DHX15: variants seen among roughly 807,000 people sequenced by gnomAD.
DHX15 encodes ATP-dependent RNA helicase DHX15.
Under a neutral mutation model 94.4 loss-of-function variants are expected in DHX15, and 11 were observed. That is an observed-to-expected ratio of 0.12 (90% CI 0.07 to 0.19). The LOEUF is 0.19. Among genes scored for constraint, DHX15 ranks in the 10% least tolerant of loss-of-function variants. The probability of loss-of-function intolerance (pLI) is 1.00; values close to 1 mark genes in which losing one functional copy is unlikely to be tolerated. For missense variants in DHX15, 304 were observed against 988.5 expected, an observed-to-expected ratio of 0.31 and a Z score of 9.29; for synonymous variants, 338 against 329.9, an observed-to-expected ratio of 1.02 and a Z score of -0.27.
At chr4:24,574,205 C>CAAAAAAAAATAAAAAAAAAA (rs1722189501) in intron 2 of DHX15, among the ~76,000 whole-genome samples, 1 of 68,876 alleles carries the variant, frequency 1.5e-5, no homozygotes, top group Non-Finnish European at 2.8e-5. Flanking sequence ...GACTTTGTCT[C>CAAAAAAAAATAAAAAAAAAA]AAAAAAAAAA....
chr4:24,571,959 T>C (rs1480196349), intron 2 of DHX15, among the ~76,000 whole-genome samples: 2 of 152,182 alleles, frequency 1.3e-5, no homozygotes, highest in Non-Finnish European at 2.9e-5. Flanking sequence ...CAGACCTAGG[T>C]TTAAGTGGTT....
chr4:24,529,818 T>C, intron 12 of DHX15, 48 bp from the exon 13 acceptor site: 1 of 1,587,686 alleles, frequency 6.3e-7, no homozygotes, highest in East Asian at 2.2e-5. Flanking sequence ...TCTGACTTGC[T>C]AGTTGTAAAG....
intron 6 of DHX15, among the ~76,000 whole-genome samples, chr4:24,548,430 G>A (rs754644876): frequency 2.0e-5 from 3 of 151,786 alleles, no homozygotes; most frequent in South Asian, 2.1e-4. Flanking sequence ...GGCCTGAGCC[G>A]CCACGCCCGG....
intron 2 of DHX15, 106 bp from the exon 3 acceptor site, chr4:24,570,953 T>A: frequency 8.8e-7 from 1 of 1,139,586 alleles, no homozygotes. Context: ...CCAAATCCAA[T>A]TAGGCAAATG....
At chr4:24,572,129 T>C (rs1722134785) in intron 2 of DHX15, among the ~76,000 whole-genome samples, 1 of 152,164 alleles carries the variant, frequency 6.6e-6, no homozygotes, top group South Asian at 2.1e-4. Context: ...GCAAGAATGT[T>C]CAGATCTTTT....
chr4:24,583,227 C>T (rs186176541), intron 1 of DHX15, among the ~76,000 whole-genome samples: 1 of 152,264 alleles, frequency 6.6e-6, no homozygotes, highest in African/African-American at 2.4e-5. Flanking sequence ...CTTTGTACTT[C>T]ATCAATGAAA....
At chr4:24,546,571 G>T (rs1721428352) in intron 6 of DHX15, among the ~76,000 whole-genome samples, 1 of 152,124 alleles carries the variant, frequency 6.6e-6, no homozygotes, top group Non-Finnish European at 1.5e-5. Context: ...TTATCAAGAG[G>T]TAAAAATATT....
chr4:24,547,937 A>ATC (rs1560765929), intron 6 of DHX15, among the ~76,000 whole-genome samples: 28 of 33,984 alleles, frequency 8.2e-4, no homozygotes, highest in South Asian at 9.4e-4. Context: ...ATATATATAT[A>ATC]TATATCTATA....
intron 2 of DHX15, among the ~76,000 whole-genome samples, chr4:24,575,826 G>A (rs1285988791): frequency 1.3e-5 from 2 of 152,248 alleles, no homozygotes; most frequent in East Asian, 1.9e-4. Flanking sequence ...CGACTAGATG[G>A]ACAAAAGTCA....
intron 5 of DHX15, among the ~76,000 whole-genome samples, chr4:24,550,123 A>AAAAAAAAAAAAAAAAAAAAAAAAT (rs1721560725): frequency 7.6e-6 from 1 of 131,746 alleles, no homozygotes; most frequent in Non-Finnish European, 1.7e-5. Context: ...AAAAAAAAAA[A>AAAAAAAAAAAAAAAAAAAAAAAAT]CGGTAAAAAT....
chr4:24,533,047 T>A lies in DHX15; in HGVS notation c.1917A>T (p.Glu639Asp). The A allele has an allele frequency of 6.2e-7, 1 of 1,613,904 alleles. No individual in the cohort carries two copies. The highest frequency in any genetic ancestry group is 1.3e-5 in the African/African-American group (1 of 74,992). The change falls in exon 12 of 14, where the codon GAA becomes GAT. Residue 639 changes from glutamate (E) to aspartate (D), a missense_variant. Around this residue, in one of 9 missense-constraint regions of DHX15, gnomAD observed 44 missense variants for 236.7 expected, o/e 0.19. Transcript: ENST00000336812. ...AGTTGTCATAACACCACTGAACCGA[T>A]TCATGATCTAAAAAGGTAGAAGGCG... ...NVYHAFKQNH[E>D]SVQWCYDNFI... is the part of the protein sequence containing the mutation.
At chr4:24,528,769 T>G (rs1721015448) in intron 13 of DHX15, among the ~76,000 whole-genome samples, 1 of 152,190 alleles carries the variant, frequency 6.6e-6, no homozygotes, top group African/African-American at 2.4e-5. Context: ...GTTCTTACTC[T>G]ACATTTTGTA....
chr4:24,574,979 T>C (rs10011177), intron 2 of DHX15, among the ~76,000 whole-genome samples: 5,428 of 151,944 alleles, frequency 0.036, 295 homozygotes, highest in African/African-American at 0.12. Flanking sequence ...GTTCAAAACC[T>C]CAACTCTACA....
intron 7 of DHX15, among the ~76,000 whole-genome samples, 195 bp from the exon 8 acceptor site, chr4:24,542,217 GA>G (rs1560763400): frequency 2.0e-5 from 3 of 152,130 alleles, no homozygotes; most frequent in African/African-American, 7.2e-5. Flanking sequence ...TCGATCATCT[GA>G]AAGACTCTAA....
chr4:24,546,822 A>G (rs1474211567), intron 6 of DHX15, among the ~76,000 whole-genome samples: 1 of 152,230 alleles, frequency 6.6e-6, no homozygotes, highest in Non-Finnish European at 1.5e-5. Context: ...TAAAATTTGT[A>G]TTAAGTATTA....
chr4:24,560,787 A>C (rs1300125498), intron 3 of DHX15, among the ~76,000 whole-genome samples: 1 of 152,230 alleles, frequency 6.6e-6, no homozygotes, highest in African/African-American at 2.4e-5. Context: ...AAGATGAAAA[A>C]AGCACCAGTC....
intron 4 of DHX15, 61 bp downstream of exon 4, chr4:24,556,190 C>A: frequency 6.3e-6 from 9 of 1,437,528 alleles, no homozygotes; most frequent in Non-Finnish European, 8.7e-6. Context: ...AGTATGTATT[C>A]CCCATTTTTA....
At chr4:24,536,994 C>G in intron 11 of DHX15, 57 bp downstream of exon 11, 3 of 1,571,948 alleles carry the variant, frequency 1.9e-6, no homozygotes, top group Non-Finnish European at 2.6e-6. Context: ...AAAGAAACAT[C>G]TTATACACTG....
intron 1 of DHX15, among the ~76,000 whole-genome samples, chr4:24,577,784 G>C (rs1722307724): frequency 6.6e-6 from 1 of 152,044 alleles, no homozygotes; most frequent in South Asian, 2.1e-4. Flanking sequence ...CTGGTGGTGG[G>C]AATAAAATAA....
Sources: allele counts gnomAD v4.1 joint callset (sites outside exome capture counted in the v4.1 genomes callset), GRCh38; gene constraint gnomAD v4.1.1; regional missense constraint gnomAD v4.1.1; transcripts MANE v1.5; gene names NCBI Gene and HGNC (gene_info 2026-07-23, HGNC 2026-07-21).